The following ZFHX3 variants were observed in gnomAD, a reference collection of about 807,000 sequenced individuals.
ZFHX3 encodes zinc finger homeobox protein 3.
A neutral mutation model predicts 279.1 loss-of-function variants in ZFHX3; 42 were observed. That is an observed-to-expected ratio of 0.15 (90% CI 0.12 to 0.19). The LOEUF (loss-of-function observed/expected upper bound fraction) is 0.19, where lower values mean the gene tolerates loss of function less well. Ranked by LOEUF, ZFHX3 falls within the 10% of genes least tolerant of loss-of-function variation. The pLI, the probability that ZFHX3 is intolerant of heterozygous loss-of-function variation, is 1.00. For synonymous variants in ZFHX3, 2,293 were observed against 1,957.8 expected (o/e 1.17, Z -4.52); for missense variants, 4,981 against 4,754.0 (o/e 1.05, Z -1.40).
chr16:73,728,015 G>GACC (rs377699912), intron 1 of ZFHX3, among the ~76,000 whole-genome samples: 14 of 75,478 alleles, frequency 1.9e-4, no homozygotes, highest in African/African-American at 5.0e-4. Flanking sequence ...GCCGAATTGT[G>GACC]CCCCCCCCCC....
intron 5 of ZFHX3, among the ~76,000 whole-genome samples, chr16:73,208,354 A>C (rs982616231): frequency 2.0e-5 from 3 of 152,216 alleles, no homozygotes; most frequent in African/African-American, 7.2e-5. Flanking sequence ...AACCATGTAC[A>C]CAATATATCA....
chr16:72,928,406 T>A (rs901374219), intron 3 of ZFHX3, among the ~76,000 whole-genome samples: 1 of 151,916 alleles, frequency 6.6e-6, no homozygotes, highest in Non-Finnish European at 1.5e-5. Flanking sequence ...GACTGGAGAT[T>A]TGAATACATG....
rs544725438 is a variant in ZFHX3, at chr16:73,265,311, A to T, written c.-1193-8175T>A. 1.1e-4 allele frequency among the ~76,000 whole-genome samples: 16 copies of T among 152,196 alleles called. No individual in the cohort carries two copies. In the South Asian group the frequency reaches 3.1e-3, roughly 30 times the overall value. Reference sequence around the variant, plus strand: ...CTGGGGCGGAGCAGCAGTCATGAGGAGGAGCCATGCTGATGGGAGGAGCCA... The same window carrying T: ...CTGGGGCGGAGCAGCAGTCATGAGGTGGAGCCATGCTGATGGGAGGAGCCA... On this transcript the variant is annotated intron_variant, in intron 4 of 17. Transcript: ENST00000641206.
upstream of ZFHX3, chr16:73,061,332 C>G (rs902078045): frequency 6.1e-5 from 9 of 148,732 alleles, no homozygotes; most frequent in African/African-American, 2.2e-4. Context: ...GGGGAACTCT[C>G]TAGGAGCCTG....
intron 5 of ZFHX3, among the ~76,000 whole-genome samples, chr16:73,162,541 GA>G (rs1227630721): frequency 6.6e-6 from 1 of 152,110 alleles, no homozygotes; most frequent in Admixed American, 6.5e-5. Flanking sequence ...ACGTGATGGT[GA>G]GCTGTAGAAT....
Position 72,788,598 on chromosome 16 carries a change from C to T in ZFHX3, c.9678G>A (p.Leu3226=). ...TGTCCTTGCGTTGCTGCTGCTGTTG[C>T]AGTGGGAGCTGTGGTGTGGGTGGCG... ...AQPPPTPQLP[L]QQQQQRKDKD... Residue 3226 remains leucine (L), a synonymous_variant, in exon 10 of 10, where the codon CTG becomes CTA. Coordinates refer to ENST00000268489, the MANE Select transcript of ZFHX3 (RefSeq NM_006885.4). 6.2e-7 allele frequency: 1 copy of T among 1,613,624 alleles called. No individual in the cohort carries two copies. The highest frequency in any genetic ancestry group is 2.2e-5 in the East Asian group (1 of 44,586).
intron 1 of ZFHX3, among the ~76,000 whole-genome samples, chr16:73,772,864 G>A (rs2054034058): frequency 6.6e-6 from 1 of 152,054 alleles, no homozygotes; most frequent in African/African-American, 2.4e-5. Flanking sequence ...TTCTTGCTTT[G>A]GGAGAATCTC....
At chr16:73,859,798 C>T (rs1340348355) in intron 1 of ZFHX3, among the ~76,000 whole-genome samples, 1 of 152,150 alleles carries the variant, frequency 6.6e-6, no homozygotes. Context: ...ATATAAAATT[C>T]ACACAATGTC....
chr16:73,635,676 T>G (rs953148814), intron 2 of ZFHX3, among the ~76,000 whole-genome samples: 3 of 152,168 alleles, frequency 2.0e-5, no homozygotes, highest in African/African-American at 7.2e-5. Flanking sequence ...CATTAACCTC[T>G]CACCCTGTGA....
chr16:72,877,864 C>A (rs1048330011), intron 4 of ZFHX3, among the ~76,000 whole-genome samples: 1 of 152,210 alleles, frequency 6.6e-6, no homozygotes, highest in Non-Finnish European at 1.5e-5. Flanking sequence ...GCCCCCTTAA[C>A]TGGGGGCCAC....
intron 5 of ZFHX3, among the ~76,000 whole-genome samples, chr16:73,247,326 G>A (rs1370341298): frequency 6.6e-6 from 1 of 150,524 alleles, no homozygotes; most frequent in African/African-American, 2.4e-5. Flanking sequence ...GTTTGTGTAG[G>A]TGTGTGTATA....
intron 3 of ZFHX3, among the ~76,000 whole-genome samples, chr16:73,345,928 T>C (rs1004771241): frequency 2.6e-5 from 4 of 152,068 alleles, no homozygotes; most frequent in Admixed American, 2.0e-4. Flanking sequence ...ATTTAGAACA[T>C]GTTGGTTCTG....
chr16:72,855,452 G>C (rs1461663509), intron 4 of ZFHX3, among the ~76,000 whole-genome samples: 4 of 152,238 alleles, frequency 2.6e-5, no homozygotes, highest in Non-Finnish European at 4.4e-5. Context: ...AAATACTCTG[G>C]AGATGGAAAA....
chr16:73,267,467 T>A (rs905794185), intron 4 of ZFHX3, among the ~76,000 whole-genome samples: 11 of 152,102 alleles, frequency 7.2e-5, no homozygotes, highest in Non-Finnish European at 1.5e-4. Context: ...CTAACCAGGC[T>A]CAGATCTGTA....
At chr16:72,918,477 T>C (rs1353213684) in intron 3 of ZFHX3, among the ~76,000 whole-genome samples, 1 of 152,176 alleles carries the variant, frequency 6.6e-6, no homozygotes, top group Non-Finnish European at 1.5e-5. Context: ...CAAAAACCAG[T>C]ATCCTTTAAA....
chr16:73,482,894 T>C (rs148500547), intron 2 of ZFHX3, among the ~76,000 whole-genome samples: 7 of 152,318 alleles, frequency 4.6e-5, no homozygotes, highest in South Asian at 2.1e-4. Flanking sequence ...GATCTTTCAA[T>C]CTATCCATAT....
chr16:73,495,447 T>C (rs2019126454), intron 2 of ZFHX3, among the ~76,000 whole-genome samples: 1 of 152,154 alleles, frequency 6.6e-6, no homozygotes, highest in South Asian at 2.1e-4. Flanking sequence ...CAAAAATGCT[T>C]TGGCTAAAAT....
At chr16:72,964,096 C>T (rs970848631) in intron 1 of ZFHX3, among the ~76,000 whole-genome samples, 2 of 152,154 alleles carry the variant, frequency 1.3e-5, no homozygotes, top group African/African-American at 4.8e-5. Context: ...CCTGCTCTGC[C>T]GGAGGGAGAA....
chr16:73,093,232 T>C (rs1306745822), intron 8 of ZFHX3: 2 of 516,370 alleles, frequency 3.9e-6, no homozygotes, highest in South Asian at 1.4e-5. Context: ...GATCCGGTCC[T>C]ACCTGGCGTT....
Sources: allele counts gnomAD v4.1 joint callset (sites outside exome capture counted in the v4.1 genomes callset), GRCh38; gene constraint gnomAD v4.1.1; transcripts MANE v1.5; gene names NCBI Gene and HGNC (gene_info 2026-07-23, HGNC 2026-07-21).